The following SOS1 variants were observed in gnomAD, a reference collection of about 807,000 sequenced individuals.
SOS1 encodes the protein SOS Ras/Rac guanine nucleotide exchange factor 1.
Under a neutral mutation model 157.6 loss-of-function variants are expected in SOS1, and 25 were observed. The ratio of observed to expected loss-of-function variants is 0.16; its 90% CI spans 0.12 to 0.22. SOS1 has a LOEUF of 0.22. Among genes scored for constraint, SOS1 ranks in the 10% least tolerant of loss-of-function variants. The pLI, the probability that SOS1 is intolerant of heterozygous loss-of-function variation, is 1.00. For synonymous variants in SOS1, 528 were observed against 534.0 expected (o/e 0.99, Z 0.16); for missense variants, 1,237 against 1,599.1 (o/e 0.77, Z 3.86).
intron 1 of SOS1, among the ~76,000 whole-genome samples, chr2:39,106,091 G>A (rs1673166560): frequency 6.6e-6 from 1 of 151,802 alleles, no homozygotes; most frequent in African/African-American, 2.4e-5. Flanking sequence ...ATGGTGGTAC[G>A]TGCCTGTGGT....
At position 39,045,273 on chromosome 2, in the gene SOS1, A is replaced by AGAGTGTGTGTGT. The variant is rs138343013; in HGVS notation, c.864+5870_864+5871insACACACACACTC. The stretch of plus-strand genomic sequence containing the variant: ...GAGAGAGAGAGAGAGAGAGAGAGAG[A>AGAGTGTGTGTGT]GTGTGTGTGTGTGTGTGTGTGTGTG... On this transcript the variant is annotated intron_variant, in intron 6 of 22. Transcript: ENST00000402219. 9.9e-3 allele frequency among the ~76,000 whole-genome samples: 1,066 copies of AGAGTGTGTGTGT among 108,074 alleles called. 8 individuals are homozygous for AGAGTGTGTGTGT. The highest frequency in any genetic ancestry group is 0.016 in the Middle Eastern group (3 of 188). The allele number at this position is 108,074 out of a possible 152,430, so 70.9% of individuals were successfully genotyped here.
At chr2:39,055,986 C>A (rs1453904206) in intron 4 of SOS1, among the ~76,000 whole-genome samples, 4 of 152,064 alleles carry the variant, frequency 2.6e-5, no homozygotes, top group Non-Finnish European at 5.9e-5. Context: ...AGTGTTTGCT[C>A]TTATTATTAT....
chr2:38,993,993 T>A (rs1432837504), intron 20 of SOS1: 1 of 152,184 alleles, frequency 6.6e-6, no homozygotes, highest in Non-Finnish European at 1.5e-5. Context: ...ATTGGTGATC[T>A]AGATTGAAAA....
chr2:39,074,268 T>G (rs1042366654), intron 1 of SOS1, among the ~76,000 whole-genome samples: 9 of 151,464 alleles, frequency 5.9e-5, no homozygotes, highest in Admixed American at 4.6e-4. Flanking sequence ...GAGAATCGCT[T>G]GAACCCGGGA....
At chr2:39,027,063 C>A (rs1046228312) in intron 8 of SOS1, among the ~76,000 whole-genome samples, 2 of 152,140 alleles carry the variant, frequency 1.3e-5, no homozygotes, top group African/African-American at 4.8e-5. Context: ...CAGTAAGATA[C>A]AAGGCAATTT....
Position 39,014,797 on chromosome 2 carries a change from T to C in SOS1, c.1908A>G (p.Lys636=). 1 of 1,600,482 alleles carries C rather than the reference T, an allele frequency of 6.2e-7. No individual in the cohort carries two copies. Among genetic ancestry groups the C allele is most frequent in the African/African-American group, 1.3e-5 (1 of 74,754 alleles). ...TTATAAGACTCAGTAGTTCTTGAGG[T>C]TTGCAAAAGGATCTGTATGTTGTAA... The part of the protein sequence containing the change: ...TFLTTYRSFC[K]PQELLSLIIE... Residue 636 remains lysine, a synonymous_variant, in exon 11 of 23, where the codon AAA becomes AAG. Coordinates refer to ENST00000402219, the MANE Select transcript of SOS1 (RefSeq NM_005633.4).
At chr2:39,030,244 G>GGA (rs775028753) in intron 8 of SOS1, among the ~76,000 whole-genome samples, 1 of 125,624 alleles carries the variant, frequency 8.0e-6, no homozygotes, top group Non-Finnish European at 1.6e-5. Context: ...AAAGAAAACA[G>GGA]AAAAAAAAAA....
At chr2:39,122,198 G>A (rs1035906282), upstream of SOS1, among the ~76,000 whole-genome samples, 1 of 152,144 alleles carries the variant, frequency 6.6e-6, no homozygotes, top group African/African-American at 2.4e-5. Context: ...AGGAGGCCGA[G>A]GCGGATGGAT....
intron 21 of SOS1, among the ~76,000 whole-genome samples, chr2:38,987,970 T>C (rs1034954020): frequency 3.3e-5 from 5 of 152,306 alleles, no homozygotes; most frequent in African/African-American, 1.2e-4. Flanking sequence ...CATTTTTTTC[T>C]TTGACTTTAT....
At chr2:38,994,679 A>C (rs1668837065) in intron 20 of SOS1, among the ~76,000 whole-genome samples, 1 of 152,160 alleles carries the variant, frequency 6.6e-6, no homozygotes, top group Non-Finnish European at 1.5e-5. Context: ...TTATGTTGAC[A>C]CTCAAAAAGT....
At chr2:39,090,972 G>A (rs999606880) in intron 1 of SOS1, among the ~76,000 whole-genome samples, 3 of 152,072 alleles carry the variant, frequency 2.0e-5, no homozygotes, top group Non-Finnish European at 2.9e-5. Flanking sequence ...GGGTTCAAGC[G>A]ATTCTCCTGT....
At chr2:39,023,970 T>G (rs1669879428) in intron 9 of SOS1, 40 bp downstream of exon 9, 1 of 1,460,808 alleles carries the variant, frequency 6.8e-7, no homozygotes, top group Non-Finnish European at 9.6e-7. Context: ...ACCACAATAT[T>G]CAGGGAAAAA....
chr2:39,001,347 G>A (rs1453355730), intron 17 of SOS1, among the ~76,000 whole-genome samples: 1 of 152,170 alleles, frequency 6.6e-6, no homozygotes, highest in African/African-American at 2.4e-5. Context: ...ACAGGCTTGA[G>A]CCACTGCGCC....
chr2:38,982,482 A>T lies in SOS1; in HGVS notation c.*3342T>A, dbSNP rs1668433383. On this transcript the variant is annotated 3_prime_UTR_variant, in exon 23 of 23. Coordinates refer to ENST00000402219, the MANE Select transcript of SOS1 (RefSeq NM_005633.4). ...CAGCCAAACCAATATTAACCTTGTGATGTTTAGTTACTGGTAAAGATTAAT... is the reference window on the plus strand; with the variant it reads ...CAGCCAAACCAATATTAACCTTGTGTTGTTTAGTTACTGGTAAAGATTAAT... 1 of 152,164 alleles carries T rather than the reference A, an allele frequency of 6.6e-6. No individual in the cohort carries two copies. Among genetic ancestry groups the T allele is most frequent in the Non-Finnish European group, 1.5e-5 (1 of 68,014 alleles). The allele number at this position is 152,164 out of a possible 1,614,324, so 9.4% of individuals were successfully genotyped here. A position where few individuals can be genotyped will look rare whatever the true frequency, so the allele number is the denominator to read the frequency against.
At chr2:38,989,395 G>A (rs375200622) in intron 20 of SOS1, 81 bp from the exon 21 acceptor site, 11 of 859,470 alleles carry the variant, frequency 1.3e-5, no homozygotes, top group East Asian at 1.0e-4. Context: ...GTATTATGAT[G>A]AAAATGTTAT....
At chr2:39,116,108 C>A (rs1673640882) in intron 1 of SOS1, among the ~76,000 whole-genome samples, 1 of 152,238 alleles carries the variant, frequency 6.6e-6, no homozygotes, top group South Asian at 2.1e-4. Context: ...GCTTTACTTA[C>A]ACATCTAGAA....
At chr2:39,023,315 A>G in intron 9 of SOS1, 90 bp from the exon 10 acceptor site, 1 of 893,912 alleles carries the variant, frequency 1.1e-6, no homozygotes, top group Non-Finnish European at 1.8e-6. Flanking sequence ...GTAGATTTTT[A>G]CAAGTCTCAC....
At chr2:39,064,948 G>C (rs1252318454) in intron 2 of SOS1, among the ~76,000 whole-genome samples, 1 of 150,506 alleles carries the variant, frequency 6.6e-6, no homozygotes, top group African/African-American at 2.4e-5. Flanking sequence ...AGTAGAGATG[G>C]GGTTTCACCA....
intron 8 of SOS1, among the ~76,000 whole-genome samples, chr2:39,032,987 C>T (rs1028615060): frequency 4.0e-5 from 6 of 151,534 alleles, no homozygotes; most frequent in Admixed American, 1.3e-4. Context: ...AAAGAACAAG[C>T]GAAGAGGCAG....
Sources: gnomAD v4.1 joint callset for allele counts (sites outside exome capture counted in the v4.1 genomes callset) on GRCh38, gnomAD v4.1.1 for gene constraint, MANE v1.5 for transcripts, NCBI Gene and HGNC (gene_info 2026-07-23, HGNC 2026-07-21) for gene names.